Variants in TNNI3K observed in about 807,000 individuals in gnomAD.
TNNI3K encodes serine/threonine-protein kinase TNNI3K.
A neutral mutation model predicts 114.5 loss-of-function variants in TNNI3K; 140 were observed. That is an observed-to-expected ratio of 1.22 (90% CI 1.07 to 1.41). The LOEUF (loss-of-function observed/expected upper bound fraction) is 1.41. Ranked by LOEUF, TNNI3K falls within the 40% of genes most tolerant of loss-of-function variation. The pLI, the probability that TNNI3K is intolerant of heterozygous loss-of-function variation, is 0.00. For missense variants in TNNI3K, 1,125 were observed against 1,007.6 expected (o/e 1.12, Z -1.58); for synonymous variants, 347 against 347.5 (o/e 1.00, Z 0.02).
chr1:74,480,610 ACTGT>A, intron 21 of TNNI3K: 1 of 717,208 alleles, frequency 1.4e-6, no homozygotes, highest in Non-Finnish European at 2.6e-6. Context: ...CTCCGAAAGA[ACTGT>A]CTGTGAGATT....
At chr1:74,278,836 T>C (rs1396052444) in intron 5 of TNNI3K, among the ~76,000 whole-genome samples, 2 of 152,232 alleles carry the variant, frequency 1.3e-5, no homozygotes, top group Admixed American at 1.3e-4. Context: ...AGACATTTTA[T>C]ATAATTGGAA....
intron 9 of TNNI3K, among the ~76,000 whole-genome samples, chr1:74,349,076 G>A (rs1381588554): frequency 6.6e-6 from 1 of 152,094 alleles, no homozygotes; most frequent in East Asian, 1.9e-4. Flanking sequence ...TCTTGTGCTG[G>A]TTTTCAAAGG....
At chr1:74,307,325 A>G (rs1658704586) in intron 5 of TNNI3K, among the ~76,000 whole-genome samples, 1 of 152,188 alleles carries the variant, frequency 6.6e-6, no homozygotes, top group South Asian at 2.1e-4. Flanking sequence ...TAAAAGACAT[A>G]GAGTTGCAAA....
intron 11 of TNNI3K, among the ~76,000 whole-genome samples, chr1:74,365,820 C>G (rs1179285648): frequency 2.6e-5 from 4 of 151,946 alleles, no homozygotes; most frequent in East Asian, 1.9e-4. Flanking sequence ...TAACTTATTC[C>G]TATGATTTGA....
At chr1:74,372,750 G>A (rs1435090283) in intron 17 of TNNI3K, 2 of 151,742 alleles carry the variant, frequency 1.3e-5, no homozygotes, top group African/African-American at 4.8e-5. Context: ...CTCTTCATTT[G>A]TGGGGCCATT....
chr1:74,417,676 ACGTGTTTGTGTGTGTG>A (rs1236060529), intron 17 of TNNI3K, among the ~76,000 whole-genome samples: 2 of 108,876 alleles, frequency 1.8e-5, no homozygotes, highest in Non-Finnish European at 3.7e-5. Flanking sequence ...AGAAAAGTGT[ACGTGTTTGTGTGTGTG>A]TGTGTGTGTG....
Position 74,544,276 on chromosome 1 carries a change from C to T in TNNI3K, c.*294C>T. 2 of 299,144 alleles carry T rather than the reference C, an allele frequency of 6.7e-6. No homozygotes were observed. Among genetic ancestry groups the T allele is most frequent in the South Asian group, 1.3e-4 (2 of 15,522 alleles). 18.5% of individuals were successfully genotyped at this position (299,144 alleles called of 1,614,324 possible). A position where few individuals can be genotyped will look rare whatever the true frequency, so the allele number is the denominator to read the frequency against. ...AAATGGAGCCTAAGTCTGTGGTGGA[C>T]AGATAATAATTATGTTTTCCTGGGC... On this transcript the variant is annotated 3_prime_UTR_variant, in exon 25 of 25. Transcript: ENST00000326637.
intron 5 of TNNI3K, among the ~76,000 whole-genome samples, chr1:74,327,269 CT>C (rs1279072821): frequency 2.7e-5 from 4 of 150,762 alleles, no homozygotes; most frequent in African/African-American, 9.7e-5. Context: ...ATTTTCTGTG[CT>C]CATAAAACAA....
chr1:74,367,846 G>T (rs1408110923), intron 12 of TNNI3K, 62 bp from the exon 13 acceptor site: 3 of 1,465,286 alleles, frequency 2.0e-6, no homozygotes, highest in South Asian at 2.7e-5. Context: ...TTATAATGTT[G>T]AACTTTTATG....
At chr1:74,235,749 G>T (rs1345370151) in intron 1 of TNNI3K, among the ~76,000 whole-genome samples, 2 of 150,836 alleles carry the variant, frequency 1.3e-5, no homozygotes, top group Non-Finnish European at 3.0e-5. Flanking sequence ...GAATATTGCT[G>T]AATGTAGGGA....
At chr1:74,509,747 CTTTTTTTTTTT>C (rs68193106) in intron 23 of TNNI3K, among the ~76,000 whole-genome samples, 4 of 47,784 alleles carry the variant, frequency 8.4e-5, no homozygotes, top group East Asian at 1.7e-3. Context: ...ATCTGAATTT[CTTTTTTTTTTT>C]TTTTTTTTTT....
chr1:74,353,220 T>C, intron 9 of TNNI3K, 46 bp from the exon 10 acceptor site: 1 of 1,594,788 alleles, frequency 6.3e-7, no homozygotes, highest in Non-Finnish European at 8.5e-7. Flanking sequence ...ATTTAGTTCA[T>C]AACAAGGACC....
At chr1:74,333,448 C>G (rs189313073) in intron 6 of TNNI3K, among the ~76,000 whole-genome samples, 1 of 152,200 alleles carries the variant, frequency 6.6e-6, no homozygotes, top group African/African-American at 2.4e-5. Flanking sequence ...TAGAGTCATC[C>G]TCTTTGACGA....
At chr1:74,358,221 C>A (rs2100491962) in intron 11 of TNNI3K, among the ~76,000 whole-genome samples, 1 of 152,180 alleles carries the variant, frequency 6.6e-6, no homozygotes, top group Middle Eastern at 3.4e-3. Context: ...AAGTAATATA[C>A]AGAGGCTCCT....
chr1:74,363,373 T>C (rs539936098), intron 11 of TNNI3K, among the ~76,000 whole-genome samples: 4 of 152,052 alleles, frequency 2.6e-5, no homozygotes, highest in Non-Finnish European at 5.9e-5. Flanking sequence ...GGGGGCCTCT[T>C]GGCATTTTCC....
intron 23 of TNNI3K, among the ~76,000 whole-genome samples, chr1:74,523,356 T>G (rs538272793): frequency 8.3e-4 from 126 of 152,368 alleles, no homozygotes; most frequent in African/African-American, 3.0e-3. Context: ...TGTTTTTCTA[T>G]ACACATATCT....
At chr1:74,414,477 G>A (rs567293865) in intron 17 of TNNI3K, among the ~76,000 whole-genome samples, 40 of 152,270 alleles carry the variant, frequency 2.6e-4, no homozygotes, top group Non-Finnish European at 3.4e-4. Context: ...TTTGAGTAGT[G>A]TTGATGCCTT....
At chr1:74,488,024 T>G (rs1234957042) in intron 21 of TNNI3K, among the ~76,000 whole-genome samples, 1 of 151,766 alleles carries the variant, frequency 6.6e-6, no homozygotes, top group African/African-American at 2.4e-5. Context: ...TGGAGAAGAG[T>G]AGGCAAAGGA....
intron 9 of TNNI3K, among the ~76,000 whole-genome samples, chr1:74,348,116 T>C (rs986830454): frequency 6.6e-6 from 1 of 152,150 alleles, no homozygotes; most frequent in African/African-American, 2.4e-5. Flanking sequence ...TCTTCTAGGG[T>C]TTTTATGGTT....
Sources: gnomAD v4.1 joint callset for allele counts (sites outside exome capture counted in the v4.1 genomes callset) on GRCh38, gnomAD v4.1.1 for gene constraint, MANE v1.5 for transcripts, NCBI Gene and HGNC (gene_info 2026-07-23, HGNC 2026-07-21) for gene names.